The following IFTAP variants were observed in gnomAD, a reference collection of about 807,000 sequenced individuals.
IFTAP encodes intraflagellar transport associated protein, also known as intraflagellar transport-associated protein.
Under a neutral mutation model 19.4 loss-of-function variants are expected in IFTAP, and 19 were observed. The observed-to-expected ratio is 0.98, with a 90% CI of 0.68 to 1.44. IFTAP has a LOEUF of 1.44. IFTAP is among the 40% of genes most tolerant of loss of function. IFTAP has a pLI of 0.00. For synonymous variants in IFTAP, 85 were observed against 83.5 expected, an observed-to-expected ratio of 1.02 and a Z score of -0.10; for missense variants, 240 against 253.6, an observed-to-expected ratio of 0.95 and a Z score of 0.36.
In IFTAP at chr11:36,610,218, A is replaced by C; in HGVS notation, c.115A>C (p.Thr39Pro). ...EQTYDEEFLN[T>P]FTHLSQEDHV... ...AACATATGATGAAGAATTTCTGAACACTTTTACTCATCTTTCACAAGGTAA... is the reference window on the plus strand; with the variant it reads ...AACATATGATGAAGAATTTCTGAACCCTTTTACTCATCTTTCACAAGGTAA... The change falls in exon 2 of 6, where the codon ACT (threonine) becomes CCT (proline). Residue 39 changes from threonine (T) to proline (P), a missense_variant. Transcript: ENST00000334307. 6.2e-7 allele frequency: 1 copy of C among 1,608,052 alleles called. No individual in the cohort carries two copies. Among genetic ancestry groups the C allele is most frequent in the South Asian group, 1.1e-5 (1 of 90,656 alleles).
chr11:36,638,730 C>G (rs1485123792), intron 4 of IFTAP, among the ~76,000 whole-genome samples: 1 of 152,136 alleles, frequency 6.6e-6, no homozygotes, highest in Non-Finnish European at 1.5e-5. Flanking sequence ...GATTAGATTC[C>G]GTTGTTATTG....
rs78161774 is a variant in IFTAP at position 36,596,713 on chromosome 11, A to C, written c.-24+2121A>C. 1.2e-3 allele frequency among the ~76,000 whole-genome samples: 176 copies of C among 152,322 alleles called. 4 individuals are homozygous for C. In the East Asian group the frequency reaches 0.028, roughly 24 times the overall value. On this transcript the variant is annotated intron_variant, in intron 1 of 5. Transcript: ENST00000334307. ...CAAACACCTGTGATGACTGTTATTGAGATACAAGGCAAGCCATACAGTGGT... is the reference window on the plus strand; with the variant it reads ...CAAACACCTGTGATGACTGTTATTGCGATACAAGGCAAGCCATACAGTGGT...
chr11:36,607,496 T>G (rs528186355), intron 1 of IFTAP, among the ~76,000 whole-genome samples: 1 of 152,276 alleles, frequency 6.6e-6, no homozygotes, highest in South Asian at 2.1e-4. Context: ...CAGGGAAATA[T>G]ATGAATAGTA....
intron 2 of IFTAP, among the ~76,000 whole-genome samples, chr11:36,618,194 T>TA (rs1350039595): frequency 5.9e-5 from 9 of 152,102 alleles, no homozygotes; most frequent in African/African-American, 2.2e-4. Flanking sequence ...TATTTGGAGA[T>TA]AAGGCCTTTA....
intron 4 of IFTAP, among the ~76,000 whole-genome samples, chr11:36,647,232 A>G (rs1590232321): frequency 6.6e-6 from 1 of 152,114 alleles, no homozygotes; most frequent in East Asian, 1.9e-4. Flanking sequence ...GGCTAGCTCC[A>G]GCAAGCCCTT....
At chr11:36,632,223 C>T (rs1360835814) in intron 2 of IFTAP, among the ~76,000 whole-genome samples, 2 of 151,124 alleles carry the variant, frequency 1.3e-5, no homozygotes, top group Non-Finnish European at 2.9e-5. Flanking sequence ...TCATGAGATG[C>T]TCACAAAAGA....
intron 5 of IFTAP, among the ~76,000 whole-genome samples, chr11:36,657,766 G>T (rs1854058419): frequency 6.6e-6 from 1 of 152,260 alleles, no homozygotes; most frequent in Admixed American, 6.5e-5. Context: ...GATGCCACGT[G>T]GTTCCTAGTA....
At chr11:36,625,529 A>G (rs1378133287) in intron 2 of IFTAP, among the ~76,000 whole-genome samples, 3 of 152,112 alleles carry the variant, frequency 2.0e-5, no homozygotes, top group Non-Finnish European at 2.9e-5. Context: ...ACTTGTATGG[A>G]TATTTGTTTA....
chr11:36,613,499 G>A (rs1160378310), intron 2 of IFTAP, among the ~76,000 whole-genome samples: 19 of 152,152 alleles, frequency 1.2e-4, no homozygotes, highest in Admixed American at 7.2e-4. Flanking sequence ...GTGTTCTCAA[G>A]CACTCATAAT....
intron 2 of IFTAP, among the ~76,000 whole-genome samples, chr11:36,614,131 A>G (rs942660284): frequency 1.4e-5 from 2 of 142,612 alleles, no homozygotes; most frequent in Non-Finnish European, 3.0e-5. Context: ...ATGTGATCTC[A>G]TTGTTCAATT....
chr11:36,602,720 T>C (rs540120068), intron 1 of IFTAP, among the ~76,000 whole-genome samples: 25 of 152,128 alleles, frequency 1.6e-4, no homozygotes, highest in Non-Finnish European at 3.4e-4. Flanking sequence ...AATATGGGTA[T>C]GGCAAATTTT....
At chr11:36,654,896 G>A (rs1480476477) in intron 5 of IFTAP, among the ~76,000 whole-genome samples, 2 of 151,994 alleles carry the variant, frequency 1.3e-5, no homozygotes, top group Non-Finnish European at 2.9e-5. Context: ...CTGGCTCCAG[G>A]CTTATCCCAC....
chr11:36,624,888 G>T (rs551487039), intron 2 of IFTAP, among the ~76,000 whole-genome samples: 1 of 152,120 alleles, frequency 6.6e-6, no homozygotes, highest in Non-Finnish European at 1.5e-5. Context: ...TTGCATGAGC[G>T]AGAAATAAAC....
intron 5 of IFTAP, among the ~76,000 whole-genome samples, chr11:36,658,553 A>G (rs907652145): frequency 2.0e-5 from 3 of 152,192 alleles, no homozygotes; most frequent in African/African-American, 7.2e-5. Context: ...AGTATATTCA[A>G]TGTAGGGTAT....
intron 4 of IFTAP, among the ~76,000 whole-genome samples, chr11:36,643,204 A>G (rs1266550739): frequency 1.3e-5 from 2 of 152,190 alleles, no homozygotes; most frequent in African/African-American, 4.8e-5. Flanking sequence ...TTATACACCA[A>G]TAACTGACAG....
intron 1 of IFTAP, among the ~76,000 whole-genome samples, chr11:36,603,682 G>A (rs2133358675): frequency 6.6e-6 from 1 of 152,230 alleles, no homozygotes. Context: ...AGCACTTTGG[G>A]AGGCCGAGGT....
intron 5 of IFTAP, among the ~76,000 whole-genome samples, chr11:36,649,170 A>ATATT (rs1240707801): frequency 3.3e-5 from 5 of 152,084 alleles, no homozygotes; most frequent in African/African-American, 1.2e-4. Context: ...TTACTAAAAG[A>ATATT]TATTCTGTTA....
At position 36,633,552 on chromosome 11, in the gene IFTAP, A is replaced by G. The variant is rs1338341730; in HGVS notation, c.291+114A>G. The G allele has an allele frequency of 2.9e-5, 24 of 818,072 alleles. No homozygotes were observed. The East Asian group carries it at 7.9e-4, about 27-fold the overall frequency. 50.7% of individuals were successfully genotyped at this position (818,072 alleles called of 1,614,324 possible). On this transcript the variant is annotated intron_variant, in intron 3 of 5. Coordinates refer to ENST00000334307, the MANE Select transcript of IFTAP (RefSeq NM_138787.4). ...GACAGTTATTAGATCTGTAATTCCT[A>G]ATTCTAGAAGGAGTGCCATTGGGGC...
intron 1 of IFTAP, among the ~76,000 whole-genome samples, chr11:36,604,915 A>G (rs1028094324): frequency 6.6e-6 from 1 of 151,688 alleles, no homozygotes; most frequent in African/African-American, 2.4e-5. Flanking sequence ...ATATTATCTG[A>G]AAGACAAAAA....
Sources: allele counts gnomAD v4.1 joint callset (sites outside exome capture counted in the v4.1 genomes callset), GRCh38; gene constraint gnomAD v4.1.1; transcripts MANE v1.5; gene names NCBI Gene and HGNC (gene_info 2026-07-23, HGNC 2026-07-21).